The following OCA2 variants were observed in gnomAD, a reference collection of about 807,000 sequenced individuals.
OCA2 encodes OCA2 melanosomal transmembrane protein, also known as P protein.
In OCA2, 77 loss-of-function variants were observed where a neutral mutation model predicts 100.2. That is an observed-to-expected ratio of 0.77 (90% CI 0.64 to 0.93). OCA2 has a LOEUF of 0.93. Among genes scored for constraint, OCA2 ranks in the 40% least tolerant of loss-of-function variants. The pLI, the probability that OCA2 is intolerant of heterozygous loss-of-function variation, is 0.00. For missense variants in OCA2, 1,062 were observed against 1,089.1 expected (o/e 0.98, Z 0.35); for synonymous variants, 432 against 439.2 (o/e 0.98, Z 0.21).
At chr15:27,944,224 TG>T (rs1359716808) in intron 18 of OCA2, among the ~76,000 whole-genome samples, 1 of 152,112 alleles carries the variant, frequency 6.6e-6, no homozygotes, top group Non-Finnish European at 1.5e-5. Flanking sequence ...ATTGCATCAG[TG>T]AGAAAATTAT....
At chr15:27,818,281 C>T (rs888402546) in intron 23 of OCA2, among the ~76,000 whole-genome samples, 10 of 152,014 alleles carry the variant, frequency 6.6e-5, no homozygotes, top group African/African-American at 2.2e-4. Flanking sequence ...CCCAGTTACT[C>T]GGGAGGCTGA....
intron 23 of OCA2, among the ~76,000 whole-genome samples, chr15:27,815,399 A>G (rs1377016730): frequency 6.6e-6 from 1 of 152,202 alleles, no homozygotes; most frequent in African/African-American, 2.4e-5. Flanking sequence ...CAACAATTAT[A>G]CAATGAGGTA....
At chr15:28,067,416 C>T (rs922021409) in intron 2 of OCA2, among the ~76,000 whole-genome samples, 1 of 152,052 alleles carries the variant, frequency 6.6e-6, no homozygotes, top group South Asian at 2.1e-4. Flanking sequence ...CTCTCTAGTT[C>T]CTTTAGGTGT....
At chr15:27,796,966 C>A (rs1188160476) in intron 23 of OCA2, among the ~76,000 whole-genome samples, 1 of 152,166 alleles carries the variant, frequency 6.6e-6, no homozygotes, top group Non-Finnish European at 1.5e-5. Context: ...ATTCTCCCAA[C>A]CTCACAGGAA....
chr15:28,096,274 C>T (rs1335159486), intron 1 of OCA2, among the ~76,000 whole-genome samples: 1 of 151,162 alleles, frequency 6.6e-6, no homozygotes, highest in Non-Finnish European at 1.5e-5. Flanking sequence ...TTGGTAGTGT[C>T]TCCGGGGGCA....
At position 27,824,602 on chromosome 15, in the gene OCA2, C is replaced by CTCTCTCTCTCTCTATATATATATA; in HGVS notation, c.2432+20356_2432+20357insTATATATATATAGAGAGAGAGAGA. ...TTTCTCTCTCTCTCTCTCTCTCTCT[C>CTCTCTCTCTCTCTATATATATATA]TATATATATATATATATATAATATA... On this transcript the variant is annotated intron_variant, in intron 23 of 23. Transcript: ENST00000354638. 6.0e-3 allele frequency among the ~76,000 whole-genome samples: 284 copies of CTCTCTCTCTCTCTATATATATATA among 47,502 alleles called. 6 individuals are homozygous for CTCTCTCTCTCTCTATATATATATA. The highest frequency in any genetic ancestry group is 6.3e-3 in the Non-Finnish European group (200 of 31,742). The allele number at this position is 47,502 out of a possible 152,430, so 31.2% of individuals were successfully genotyped here. A position where few individuals can be genotyped will look rare whatever the true frequency, so the allele number is the denominator to read the frequency against.
chr15:28,054,478 C>T (rs1439009599), intron 2 of OCA2, among the ~76,000 whole-genome samples: 3 of 152,184 alleles, frequency 2.0e-5, no homozygotes, highest in African/African-American at 7.2e-5. Flanking sequence ...ACACCTCCCA[C>T]ACCCATCTTG....
chr15:28,022,135 AT>A (rs2042612706), intron 6 of OCA2, among the ~76,000 whole-genome samples: 1 of 152,230 alleles, frequency 6.6e-6, no homozygotes, highest in African/African-American at 2.4e-5. Context: ...CACAGCAGTC[AT>A]CAGAGCAAGG....
At chr15:27,800,796 C>T (rs1363312204) in intron 23 of OCA2, among the ~76,000 whole-genome samples, 1 of 130,810 alleles carries the variant, frequency 7.6e-6, no homozygotes, top group African/African-American at 2.6e-5. Context: ...AAAACCCTAT[C>T]TCTACCAAAA....
intron 19 of OCA2, chr15:27,895,831 A>G: frequency 2.0e-6 from 1 of 493,512 alleles, no homozygotes; most frequent in Non-Finnish European, 3.7e-6. Flanking sequence ...ACAAAAATAA[A>G]TACAACACAC....
At chr15:27,906,514 A>G (rs895757125) in intron 19 of OCA2, among the ~76,000 whole-genome samples, 1 of 152,080 alleles carries the variant, frequency 6.6e-6, no homozygotes, top group African/African-American at 2.4e-5. Flanking sequence ...TGAAGGAATA[A>G]TATTTGTTTA....
intron 23 of OCA2, chr15:27,776,580 C>G (rs2151070132): frequency 6.6e-6 from 1 of 152,516 alleles, no homozygotes; most frequent in South Asian, 2.1e-4. Flanking sequence ...TGGCCGCCCT[C>G]CCCATGGCAG....
chr15:27,862,477 A>ATTTTTTTTTTTTTT (rs57715276), intron 21 of OCA2, among the ~76,000 whole-genome samples: 1 of 145,282 alleles, frequency 6.9e-6, no homozygotes. Flanking sequence ...CTCCTCAGAC[A>ATTTTTTTTTTTTTT]TTTTTTTTTT....
At chr15:27,824,144 G>A (rs2034609848) in intron 23 of OCA2, among the ~76,000 whole-genome samples, 2 of 152,172 alleles carry the variant, frequency 1.3e-5, no homozygotes, top group Non-Finnish European at 2.9e-5. Flanking sequence ...GAGGCCAGTG[G>A]ATCACCTGAG....
At chr15:27,880,550 G>T (rs2036972767) in intron 19 of OCA2, among the ~76,000 whole-genome samples, 1 of 152,052 alleles carries the variant, frequency 6.6e-6, no homozygotes, top group African/African-American at 2.4e-5. Flanking sequence ...TGAATTTGTA[G>T]TTCTCCTTAA....
intron 23 of OCA2, among the ~76,000 whole-genome samples, chr15:27,804,703 A>G (rs543812571): frequency 7.4e-4 from 113 of 152,138 alleles, no homozygotes; most frequent in Non-Finnish European, 1.1e-3. Flanking sequence ...AGAGAATGGG[A>G]GGCGCCTGGG....
chr15:27,926,240 G>C lies in OCA2; in HGVS notation c.1966C>G (p.Leu656Val). ...AAAATTAGCAACCAGATGGCACCCA[G>C]AATAGCAATCCATCCTGAAAATAAG... Reference protein sequence around the residue: ...IHLDLGWIAILGAIWLLILAD... With the variant: ...IHLDLGWIAIVGAIWLLILAD... Residue 656 changes from leucine (L) to valine (V), a missense_variant, in exon 19 of 24, where the codon CTG becomes GTG. Physicochemically the swap from Leu to Val is conservative, Grantham distance 32. Transcript: ENST00000354638. The C allele has an allele frequency of 1.9e-5, 30 of 1,613,982 alleles. No homozygotes were observed. The highest frequency in any genetic ancestry group is 2.5e-5 in the Non-Finnish European group (30 of 1,179,892).
chr15:27,904,079 C>T (rs556808748), intron 19 of OCA2, among the ~76,000 whole-genome samples: 1 of 152,306 alleles, frequency 6.6e-6, no homozygotes, highest in South Asian at 2.1e-4. Flanking sequence ...TCCCTTTATT[C>T]AGCTTCCCTG....
chr15:27,833,603 C>A (rs1004620618), intron 23 of OCA2, among the ~76,000 whole-genome samples: 1 of 152,090 alleles, frequency 6.6e-6, no homozygotes, highest in Non-Finnish European at 1.5e-5. Context: ...ATTAAGGATT[C>A]TCTGCCATTA....
Sources: gnomAD v4.1 joint callset for allele counts (sites outside exome capture counted in the v4.1 genomes callset) on GRCh38, gnomAD v4.1.1 for gene constraint, MANE v1.5 for transcripts, NCBI Gene and HGNC (gene_info 2026-07-23, HGNC 2026-07-21) for gene names.